Variants in CELF4 observed in about 807,000 individuals in gnomAD.
CELF4 encodes CUG-BP- and ETR-3-like factor 4.
A neutral mutation model predicts 59.9 loss-of-function variants in CELF4; 18 were observed. That is an observed-to-expected ratio of 0.30 (90% CI 0.21 to 0.45). The LOEUF (loss-of-function observed/expected upper bound fraction) is 0.45. Among genes scored for constraint, CELF4 ranks in the 20% least tolerant of loss-of-function variants. CELF4 has a pLI of 1.00. For missense variants in CELF4, 456 were observed against 689.0 expected (o/e 0.66, Z 3.79); for synonymous variants, 261 against 267.1 (o/e 0.98, Z 0.22).
intron 2 of CELF4, among the ~76,000 whole-genome samples, chr18:37,436,778 C>T (rs2099694105): frequency 6.6e-6 from 1 of 152,150 alleles, no homozygotes; most frequent in South Asian, 2.1e-4. Flanking sequence ...AGTCGGGGCA[C>T]TTCTGTACCT....
chr18:37,320,406 TTTTCTAAACCC>T (rs2097067232), intron 3 of CELF4, among the ~76,000 whole-genome samples: 1 of 151,826 alleles, frequency 6.6e-6, no homozygotes, highest in Admixed American at 6.5e-5. Flanking sequence ...TGTTCTCAAT[TTTTCTAAACCC>T]TTTCCGGGCT....
rs114415279 is a variant in CELF4 at position 37,338,524 on chromosome 18, T to G, written c.370-16643A>C. On this transcript the variant is annotated intron_variant, in intron 2 of 12. Coordinates refer to ENST00000420428, the MANE Select transcript of CELF4 (RefSeq NM_020180.4). Reference sequence around the variant, plus strand: ...ATACTGCTAGTGATGGGATTCTGGGTGCTGGGGTGGCGGGGGGGCTGTTCT... The same window carrying G: ...ATACTGCTAGTGATGGGATTCTGGGGGCTGGGGTGGCGGGGGGGCTGTTCT... 2.6e-3 allele frequency among the ~76,000 whole-genome samples: 396 copies of G among 152,262 alleles called. 2 individuals carry two copies. Among genetic ancestry groups the G allele is most frequent in the African/African-American group, 9.3e-3 (387 of 41,538 alleles).
chr18:37,249,218 A>G (rs748976116), intron 12 of CELF4, among the ~76,000 whole-genome samples: 2 of 151,856 alleles, frequency 1.3e-5, no homozygotes, highest in African/African-American at 4.8e-5. Context: ...AAGCCCTTAG[A>G]CCCACCCAGG....
intron 3 of CELF4, among the ~76,000 whole-genome samples, chr18:37,302,903 C>T (rs1042637991): frequency 3.9e-5 from 6 of 152,032 alleles, no homozygotes; most frequent in African/African-American, 1.5e-4. Context: ...GGAGCACAGG[C>T]TGTCTGAGGG....
At chr18:37,336,776 G>A (rs1371471036) in intron 2 of CELF4, among the ~76,000 whole-genome samples, 3 of 152,304 alleles carry the variant, frequency 2.0e-5, no homozygotes, top group South Asian at 2.1e-4. Flanking sequence ...CGGTGGATGC[G>A]GCGTCTCTCC....
At chr18:37,279,943 T>C (rs1429920337) in intron 3 of CELF4, among the ~76,000 whole-genome samples, 4 of 152,248 alleles carry the variant, frequency 2.6e-5, no homozygotes, top group Admixed American at 6.5e-5. Context: ...CCCTTGCTGC[T>C]GCCATCTGCT....
At chr18:37,307,804 CAT>C (rs2154479924) in intron 3 of CELF4, among the ~76,000 whole-genome samples, 1 of 152,138 alleles carries the variant, frequency 6.6e-6, no homozygotes, top group East Asian at 2.0e-4. Context: ...AGTTAACTGA[CAT>C]AAAGGCTCAG....
At chr18:37,266,743 C>T (rs1309441352) in intron 8 of CELF4, 145 bp from the exon 9 acceptor site, 1 of 714,820 alleles carries the variant, frequency 1.4e-6, no homozygotes, top group Non-Finnish European at 2.3e-6. Flanking sequence ...AGACAGAAAC[C>T]CTGAGTGCCT....
At chr18:37,392,015 A>G (rs671356) in intron 2 of CELF4, among the ~76,000 whole-genome samples, 75,559 of 151,674 alleles carry the variant, frequency 0.5, 19,626 homozygotes, top group East Asian at 0.69. Context: ...GGTAAACCAT[A>G]ATGCCTGCAA....
intron 1 of CELF4, among the ~76,000 whole-genome samples, chr18:37,555,647 T>C (rs1004943770): frequency 2.0e-5 from 3 of 152,236 alleles, no homozygotes; most frequent in Non-Finnish European, 4.4e-5. Context: ...AACCAAGATA[T>C]TGATATTATT....
intron 2 of CELF4, among the ~76,000 whole-genome samples, chr18:37,388,105 C>A (rs1251597282): frequency 6.6e-6 from 1 of 151,950 alleles, no homozygotes; most frequent in Non-Finnish European, 1.5e-5. Context: ...TGGGTAAATC[C>A]TTTGGGGCAG....
intron 2 of CELF4, among the ~76,000 whole-genome samples, chr18:37,369,344 A>G (rs1489950782): frequency 1.3e-5 from 2 of 152,106 alleles, no homozygotes; most frequent in African/African-American, 4.8e-5. Context: ...CTTGCCCCCA[A>G]TTCACTGTGG....
At chr18:37,520,238 T>C (rs934858719) in intron 1 of CELF4, among the ~76,000 whole-genome samples, 2 of 152,128 alleles carry the variant, frequency 1.3e-5, no homozygotes, top group African/African-American at 4.8e-5. Context: ...TCTGTTCATG[T>C]GCTGGGCCCT....
chr18:37,282,670 G>A (rs1004859240), intron 3 of CELF4, among the ~76,000 whole-genome samples: 2 of 152,192 alleles, frequency 1.3e-5, no homozygotes, highest in Admixed American at 6.5e-5. Flanking sequence ...CTTGGAGGCT[G>A]AGAACCCAGC....
chr18:37,280,206 G>C (rs1006725863), intron 3 of CELF4, among the ~76,000 whole-genome samples: 1 of 152,236 alleles, frequency 6.6e-6, no homozygotes, highest in Non-Finnish European at 1.5e-5. Context: ...GTGGACAGGA[G>C]AAGCTTCCAG....
chr18:37,540,347 CTT>C (rs1374075942), intron 1 of CELF4, among the ~76,000 whole-genome samples: 1 of 152,236 alleles, frequency 6.6e-6, no homozygotes, highest in Non-Finnish European at 1.5e-5. Context: ...CAGCGTCTCT[CTT>C]TGTGTGTTGC....
At chr18:37,362,583 T>C (rs2098721804) in intron 2 of CELF4, among the ~76,000 whole-genome samples, 1 of 151,866 alleles carries the variant, frequency 6.6e-6, no homozygotes, top group African/African-American at 2.4e-5. Context: ...ACAGGGAGGG[T>C]CACGGGGCTG....
rs1274635436 is a variant in CELF4, at chr18:37,264,739, G to A, written c.1184C>T (p.Ala395Val). 3.2e-6 allele frequency: 5 copies of A among 1,576,840 alleles called. No individual in the cohort carries two copies. Among genetic ancestry groups the A allele is most frequent in the Admixed American group, 1.8e-5 (1 of 54,762 alleles). ...QYAGPAAYPA[A>V]YGQISQAFPQ... The stretch of plus-strand genomic sequence containing the variant: ...AAAGGCCTGGCTTATCTGACCATAG[G>A]CAGCAGGGTAGGCAGCTGCTGGAGG... The change falls in exon 10 of 13, where the codon GCC (alanine) becomes GTC (valine). Residue 395 changes from alanine to valine, a missense_variant. Ala to Val is a moderately conservative substitution (Grantham distance 64). Coordinates refer to ENST00000420428, the MANE Select transcript of CELF4 (RefSeq NM_020180.4).
chr18:37,253,785 C>G lies in CELF4; in HGVS notation c.*26G>C. On this transcript the variant is annotated 3_prime_UTR_variant, in exon 12 of 13. Coordinates refer to ENST00000420428, the MANE Select transcript of CELF4 (RefSeq NM_020180.4). This position sits in a 1 kb window ranked among gnomAD's most constrained non-coding sequence, Gnocchi z 4.5. ...CGGTTACCTGTGCGAGTCCTGGTCT[C>G]CCCCGGGGGACGCTCCCGCCGGCGC... is the stretch of plus-strand genomic sequence containing the variant. 1 of 1,584,854 alleles carries G rather than the reference C, an allele frequency of 6.3e-7. No homozygotes were observed. Among genetic ancestry groups the G allele is most frequent in the South Asian group, 1.1e-5 (1 of 88,118 alleles).
Sources: gnomAD v4.1 joint callset for allele counts (sites outside exome capture counted in the v4.1 genomes callset) on GRCh38, gnomAD v4.1.1 for gene constraint, Gnocchi (gnomAD v3.1) non-coding constraint, MANE v1.5 for transcripts, NCBI Gene and HGNC (gene_info 2026-07-23, HGNC 2026-07-21) for gene names.